Variants in GPR39 observed in about 807,000 individuals in gnomAD.
GPR39 encodes G protein-coupled receptor 39, also known as zinc sensing receptor.
GPR39 carries 23 observed loss-of-function variants against 18.4 expected under a neutral mutation model. That is an observed-to-expected ratio of 1.25 (90% CI 0.90 to 1.77). The LOEUF (loss-of-function observed/expected upper bound fraction) is 1.77, where lower values mean the gene tolerates loss of function less well. Ranked by LOEUF, GPR39 falls within the 40% of genes most tolerant of loss-of-function variation. The pLI is 0.00. For missense variants in GPR39, 647 were observed against 602.4 expected (o/e 1.07, Z -0.78); for synonymous variants, 280 against 257.9 (o/e 1.09, Z -0.82).
intron 1 of GPR39, among the ~76,000 whole-genome samples, chr2:132,454,929 G>T (rs1168720028): frequency 2.0e-5 from 3 of 152,134 alleles, no homozygotes; most frequent in Non-Finnish European, 4.4e-5. Flanking sequence ...CAGGGATATT[G>T]GTCTAAAATT....
chr2:132,490,590 G>A (rs962500800), intron 1 of GPR39, among the ~76,000 whole-genome samples: 2 of 151,902 alleles, frequency 1.3e-5, no homozygotes, highest in Admixed American at 6.6e-5. Context: ...CATGCCGATC[G>A]CTGGTGAATG....
rs769785974 is a variant in GPR39 at position 132,417,364 on chromosome 2, T to C, written c.322T>C (p.Cys108Arg). 6.1e-5 allele frequency: 98 copies of C among 1,614,096 alleles called. No individual in the cohort carries two copies. The highest frequency in any genetic ancestry group is 8.1e-5 in the Non-Finnish European group (95 of 1,180,036). Residue 108 changes from cysteine to arginine, a missense_variant, in exon 1 of 2, where the codon TGC (cysteine) becomes CGC (arginine). Cys to Arg is a radical substitution (Grantham distance 180, BLOSUM62 -3). Around this residue, in one of 3 missense-constraint regions of GPR39, gnomAD observed 581 missense variants for 506.8 expected, o/e 1.15. Coordinates refer to ENST00000329321, the MANE Select transcript of GPR39 (RefSeq NM_001508.3). ...GACCACGTCCAGCTACACCCTGTCC[T>C]GCAAGCTGCACACTTTCCTCTTCGA... ...PLTTSSYTLSCKLHTFLFEAC... is the reference protein window; with the variant it reads ...PLTTSSYTLSRKLHTFLFEAC...
chr2:132,641,368 T>G (rs558243842), intron 1 of GPR39, among the ~76,000 whole-genome samples: 11 of 152,144 alleles, frequency 7.2e-5, no homozygotes, highest in African/African-American at 2.4e-4. Context: ...ATGTGGGAGG[T>G]TCCTTGGGGC....
rs1682090650 is a variant in GPR39 at position 132,646,518 on chromosome 2, AC to A, written c.*914del. ...TCCAAAAGCGATTTGAGATGCCAAT[AC>A]CTGTGAATACCTGTTAATAAAGAGC... On this transcript the variant is annotated 3_prime_UTR_variant, in exon 2 of 2. Coordinates refer to ENST00000329321, the MANE Select transcript of GPR39 (RefSeq NM_001508.3). 1 of 385,618 alleles carries A rather than the reference AC, an allele frequency of 2.6e-6. No homozygotes were observed. The allele number at this position is 385,618 out of a possible 1,614,324, so 23.9% of individuals were successfully genotyped here.
rs868447508 is a variant in GPR39 at position 132,524,904 on chromosome 2, C to T, written c.856+107006C>T. On this transcript the variant is annotated intron_variant, in intron 1 of 1. Coordinates refer to ENST00000329321, the MANE Select transcript of GPR39 (RefSeq NM_001508.3). ...GTCTTCTTTCCCCTCCTTGAATTCA[C>T]GCTTCAGTCATTTTCCTCTGCGAAT... Among the ~76,000 whole-genome samples, 5 of 152,136 alleles carry T rather than the reference C, an allele frequency of 3.3e-5. No individual in the cohort carries two copies. In the South Asian group the frequency reaches 6.2e-4, roughly 19 times the overall value.
intron 1 of GPR39, among the ~76,000 whole-genome samples, chr2:132,493,828 G>T (rs1681581987): frequency 6.6e-6 from 1 of 152,060 alleles, no homozygotes; most frequent in South Asian, 2.1e-4. Context: ...AGAGTCATTT[G>T]CAGAGACCTA....
rs777547577 is a variant in GPR39 at position 132,645,205 on chromosome 2, G to T, written c.961G>T (p.Ala321Ser). 1.2e-6 allele frequency: 2 copies of T among 1,614,124 alleles called. No homozygotes were observed. The highest frequency in any genetic ancestry group is 1.1e-5 in the South Asian group (1 of 91,074). Residue 321 changes from alanine to serine, a missense_variant, in exon 2 of 2, where the codon GCG becomes TCG. By Grantham distance (99) the Ala-to-Ser change is moderately conservative. Around this residue, in one of 3 missense-constraint regions of GPR39, gnomAD observed 581 missense variants for 506.8 expected, o/e 1.15. Transcript: ENST00000329321. ...KHDWTRSYFR[A>S]YMILLPFSET... ...CGACTGGACGAGGTCCTACTTCCGGGCGTACATGATCCTCCTCCCCTTCTC... is the reference window on the plus strand; with the variant it reads ...CGACTGGACGAGGTCCTACTTCCGGTCGTACATGATCCTCCTCCCCTTCTC...
chr2:132,481,760 C>T (rs1573623440), intron 1 of GPR39, among the ~76,000 whole-genome samples: 1 of 152,116 alleles, frequency 6.6e-6, no homozygotes, highest in African/African-American at 2.4e-5. Flanking sequence ...AAATACTTTT[C>T]TGAAAATCAG....
intron 1 of GPR39, among the ~76,000 whole-genome samples, chr2:132,564,332 C>A (rs1308620365): frequency 6.6e-6 from 1 of 152,172 alleles, no homozygotes; most frequent in Non-Finnish European, 1.5e-5. Context: ...TGAGTGGCCA[C>A]CCCTCCCAGG....
chr2:132,521,571 G>A (rs1479752755), intron 1 of GPR39, among the ~76,000 whole-genome samples: 1 of 152,028 alleles, frequency 6.6e-6, no homozygotes, highest in African/African-American at 2.4e-5. Context: ...GAAAATCCTC[G>A]GCTCCATCCC....
chr2:132,538,170 C>T (rs925648327), intron 1 of GPR39, among the ~76,000 whole-genome samples: 1 of 152,172 alleles, frequency 6.6e-6, no homozygotes, highest in African/African-American at 2.4e-5. Context: ...GATTTTTCCT[C>T]ATCATCATGG....
intron 1 of GPR39, among the ~76,000 whole-genome samples, chr2:132,586,397 G>T (rs958439901): frequency 1.3e-5 from 2 of 152,178 alleles, no homozygotes; most frequent in African/African-American, 4.8e-5. Flanking sequence ...GTTTGGAAAG[G>T]CAAGGCGTGC....
chr2:132,508,328 G>T (rs1487775349), intron 1 of GPR39, among the ~76,000 whole-genome samples: 2 of 152,098 alleles, frequency 1.3e-5, no homozygotes. Context: ...GACTTCAGAA[G>T]ACTCTCAACC....
chr2:132,587,454 G>A (rs1041640289), intron 1 of GPR39, among the ~76,000 whole-genome samples: 1 of 152,218 alleles, frequency 6.6e-6, no homozygotes, highest in African/African-American at 2.4e-5. Context: ...TATATTTGTT[G>A]TTACTTGGCT....
intron 1 of GPR39, among the ~76,000 whole-genome samples, chr2:132,445,282 T>C (rs1372155056): frequency 2.0e-5 from 3 of 152,170 alleles, no homozygotes; most frequent in Non-Finnish European, 4.4e-5. Flanking sequence ...CATTTTAGAG[T>C]CTATATAATA....
intron 1 of GPR39, among the ~76,000 whole-genome samples, chr2:132,532,367 A>C (rs1043188317): frequency 2.0e-5 from 3 of 152,102 alleles, no homozygotes; most frequent in Non-Finnish European, 2.9e-5. Flanking sequence ...TTACCAACCC[A>C]AAAAAAGTCC....
At chr2:132,486,106 G>A (rs1681332596) in intron 1 of GPR39, among the ~76,000 whole-genome samples, 1 of 152,158 alleles carries the variant, frequency 6.6e-6, no homozygotes, top group Admixed American at 6.5e-5. Flanking sequence ...AGGTGACCAG[G>A]TGTCTTGTCA....
chr2:132,503,323 T>C (rs1469286507), intron 1 of GPR39, among the ~76,000 whole-genome samples: 1 of 152,168 alleles, frequency 6.6e-6, no homozygotes, highest in Non-Finnish European at 1.5e-5. Context: ...AGCTGAACTC[T>C]AGTGATTACT....
chr2:132,582,525 C>T (rs1448171049), intron 1 of GPR39, among the ~76,000 whole-genome samples: 2 of 152,182 alleles, frequency 1.3e-5, no homozygotes, highest in African/African-American at 2.4e-5. Context: ...CAATGCAGAT[C>T]AAGTGGCAGG....
Sources: gnomAD v4.1 joint callset for allele counts (sites outside exome capture counted in the v4.1 genomes callset) on GRCh38, gnomAD v4.1.1 for gene constraint, gnomAD v4.1.1 regional missense constraint, MANE v1.5 for transcripts, NCBI Gene and HGNC (gene_info 2026-07-23, HGNC 2026-07-21) for gene names.